EDIL3: variants seen among roughly 807,000 people sequenced by gnomAD.
EDIL3 encodes EGF like and discoidin domains 3.
Under a neutral mutation model 67.4 loss-of-function variants are expected in EDIL3, and 37 were observed. The ratio of observed to expected loss-of-function variants is 0.55; its 90% confidence interval spans 0.42 to 0.72. EDIL3 has a LOEUF of 0.72. Ranked by LOEUF, EDIL3 falls within the 30% of genes least tolerant of loss-of-function variation. The pLI is 0.00. For missense variants in EDIL3, 527 were observed against 586.3 expected, an observed-to-expected ratio of 0.90 and a Z score of 1.04; for synonymous variants, 195 against 196.3, an observed-to-expected ratio of 0.99 and a Z score of 0.05.
chr5:84,194,618 GA>G (rs1743662792), intron 3 of EDIL3, among the ~76,000 whole-genome samples: 1 of 151,800 alleles, frequency 6.6e-6, no homozygotes, highest in Non-Finnish European at 1.5e-5. Flanking sequence ...TTGAGCTATT[GA>G]ACACAATTCA....
intron 1 of EDIL3, among the ~76,000 whole-genome samples, chr5:84,348,457 C>A (rs936142869): frequency 2.0e-5 from 3 of 152,030 alleles, no homozygotes; most frequent in Non-Finnish European, 4.4e-5. Flanking sequence ...GTGCAATATT[C>A]TAAAAAATAA....
chr5:83,948,571 T>G (rs1282860685), intron 10 of EDIL3, among the ~76,000 whole-genome samples: 2 of 151,704 alleles, frequency 1.3e-5, no homozygotes, highest in Non-Finnish European at 2.9e-5. Context: ...TACTTTGCCC[T>G]ATATGCAAGC....
At position 84,060,510 on chromosome 5, in the gene EDIL3, T is replaced by G. The variant is rs1339286065; in HGVS notation, c.953-26A>C. ...CTGAAAGAAAATGAGAAGGGCTCCA[T>G]GAGAAAAATAATTGATCACCTGGAA... is the stretch of plus-strand genomic sequence containing the variant. On this transcript the variant is annotated intron_variant, in intron 8 of 10. Coordinates refer to ENST00000296591, the MANE Select transcript of EDIL3 (RefSeq NM_005711.5). 6.8e-6 allele frequency: 11 copies of G among 1,610,322 alleles called. No individual in the cohort carries two copies. In the East Asian group the frequency reaches 2.2e-4, roughly 33 times the overall value.
intron 1 of EDIL3, among the ~76,000 whole-genome samples, chr5:84,293,437 G>GGC (rs1561248083): frequency 2.0e-5 from 3 of 152,098 alleles, no homozygotes; most frequent in African/African-American, 7.3e-5. Flanking sequence ...TTTGGAGTCT[G>GGC]TGCTCTTAAC....
intron 1 of EDIL3, among the ~76,000 whole-genome samples, chr5:84,340,448 G>A (rs1747080525): frequency 6.8e-6 from 1 of 146,286 alleles, no homozygotes; most frequent in Middle Eastern, 3.5e-3. Flanking sequence ...CAGAGCCTGG[G>A]AATTTTAATT....
rs1441813664 is a variant in EDIL3, at chr5:84,180,522, C to A, written c.227-1G>T. The A allele has an allele frequency of 1.9e-6, 3 of 1,560,940 alleles. No individual in the cohort carries two copies. Among genetic ancestry groups the A allele is most frequent in the Non-Finnish European group, 2.6e-6 (3 of 1,159,678 alleles). On this transcript the variant is annotated splice_acceptor_variant, in intron 3 of 10. Coordinates refer to ENST00000296591, the MANE Select transcript of EDIL3 (RefSeq NM_005711.5). LOFTEE classifies it high-confidence loss of function. The stretch of plus-strand genomic sequence containing the variant: ...TGGCATGGATTAGGAGTGCAGGGAC[C>A]TGAAAGACAGAAAAAAATATTTCTG...
intron 3 of EDIL3, among the ~76,000 whole-genome samples, chr5:84,226,143 G>T (rs544419116): frequency 6.6e-6 from 1 of 151,528 alleles, no homozygotes; most frequent in Non-Finnish European, 1.5e-5. Flanking sequence ...CTGAATTAAC[G>T]TACATTTTTT....
chr5:83,996,938 G>A (rs1174054171), intron 9 of EDIL3, among the ~76,000 whole-genome samples: 2 of 152,190 alleles, frequency 1.3e-5, no homozygotes, highest in African/African-American at 4.8e-5. Context: ...ATTTAAGTTT[G>A]AGAAGCACTG....
intron 2 of EDIL3, among the ~76,000 whole-genome samples, chr5:84,252,120 G>A (rs897059857): frequency 2.0e-5 from 3 of 152,116 alleles, no homozygotes; most frequent in African/African-American, 7.2e-5. Flanking sequence ...GCTGCCCATA[G>A]TATCAGTCTT....
intron 9 of EDIL3, among the ~76,000 whole-genome samples, chr5:84,052,755 C>A (rs1282402535): frequency 6.6e-6 from 1 of 152,194 alleles, no homozygotes; most frequent in African/African-American, 2.4e-5. Context: ...ACAAGAAGAG[C>A]TAACTATTCT....
intron 1 of EDIL3, among the ~76,000 whole-genome samples, chr5:84,361,620 A>G (rs568271582): frequency 3.3e-5 from 5 of 151,628 alleles, no homozygotes; most frequent in African/African-American, 1.2e-4. Context: ...TACTGTACTT[A>G]TTTTAGTTTG....
At chr5:83,952,975 T>C (rs1428053220) in intron 10 of EDIL3, among the ~76,000 whole-genome samples, 3 of 151,736 alleles carry the variant, frequency 2.0e-5, no homozygotes, top group Admixed American at 1.3e-4. Flanking sequence ...AAAAGAGTAT[T>C]AGGGAGAGGA....
intron 9 of EDIL3, among the ~76,000 whole-genome samples, chr5:83,987,899 A>C (rs1397420164): frequency 6.7e-6 from 1 of 148,204 alleles, no homozygotes; most frequent in Non-Finnish European, 1.5e-5. Flanking sequence ...ATATAGCTTA[A>C]TAGTTTATTT....
chr5:84,344,305 C>T (rs1400727227), intron 1 of EDIL3, among the ~76,000 whole-genome samples: 1 of 152,102 alleles, frequency 6.6e-6, no homozygotes, highest in Non-Finnish European at 1.5e-5. Flanking sequence ...CATTTGAAAA[C>T]TTTGACCTGT....
At chr5:84,069,497 C>T (rs1746697463) in intron 6 of EDIL3, among the ~76,000 whole-genome samples, 1 of 151,984 alleles carries the variant, frequency 6.6e-6, no homozygotes, top group South Asian at 2.1e-4. Flanking sequence ...GCATGTAAAA[C>T]ATTAACAACA....
chr5:84,067,595 C>T (rs1202000741), intron 6 of EDIL3, among the ~76,000 whole-genome samples: 1 of 152,066 alleles, frequency 6.6e-6, no homozygotes, highest in Non-Finnish European at 1.5e-5. Context: ...ATATTATTTT[C>T]CAAAGAAAAT....
chr5:84,370,839 T>C (rs890519201), intron 1 of EDIL3, among the ~76,000 whole-genome samples: 2 of 152,134 alleles, frequency 1.3e-5, no homozygotes, highest in South Asian at 4.1e-4. Flanking sequence ...TAACAATTTA[T>C]TAAATAACTT....
chr5:84,266,480 A>T (rs16901021), intron 1 of EDIL3, among the ~76,000 whole-genome samples: 14,219 of 152,184 alleles, frequency 0.093, 735 homozygotes, highest in Middle Eastern at 0.16. Flanking sequence ...GTTTTGTCAG[A>T]GACTCTCACG....
intron 3 of EDIL3, among the ~76,000 whole-genome samples, chr5:84,194,441 A>G (rs952884003): frequency 4.6e-5 from 7 of 151,990 alleles, no homozygotes; most frequent in Non-Finnish European, 1.0e-4. Context: ...GTGTGGAAGA[A>G]AAAACCAAAA....
Sources: allele counts gnomAD v4.1 joint callset (sites outside exome capture counted in the v4.1 genomes callset), GRCh38; gene constraint gnomAD v4.1.1; transcripts MANE v1.5; gene names NCBI Gene and HGNC (gene_info 2026-07-23, HGNC 2026-07-21).